Variants in RIMS2 observed in about 807,000 individuals in gnomAD.
The protein encoded by RIMS2 is regulating synaptic membrane exocytosis protein 2.
Under a neutral mutation model 174.4 loss-of-function variants are expected in RIMS2, and 59 were observed. The observed-to-expected ratio is 0.34, with a 90% confidence interval of 0.27 to 0.42. The LOEUF is 0.42. Among genes scored for constraint, RIMS2 ranks in the 10% least tolerant of loss-of-function variants. The pLI is 1.00. For missense variants in RIMS2, 1,620 were observed against 1,666.3 expected (o/e 0.97, Z 0.48); for synonymous variants, 606 against 572.5 (o/e 1.06, Z -0.84).
At chr8:103,896,283 T>C (rs2099277275) in intron 4 of RIMS2, among the ~76,000 whole-genome samples, 1 of 151,620 alleles carries the variant, frequency 6.6e-6, no homozygotes, top group South Asian at 2.1e-4. Flanking sequence ...GTTTATGTCT[T>C]CTGGTAGCAA....
At chr8:103,836,386 A>C (rs928954109) in intron 3 of RIMS2, among the ~76,000 whole-genome samples, 1 of 152,062 alleles carries the variant, frequency 6.6e-6, no homozygotes, top group Admixed American at 6.6e-5. Context: ...CCCCTTCTTT[A>C]CAAAAACAAG....
At chr8:104,060,548 G>T (rs1423690522) in intron 19 of RIMS2, among the ~76,000 whole-genome samples, 1 of 150,272 alleles carries the variant, frequency 6.7e-6, no homozygotes, top group South Asian at 2.1e-4. Flanking sequence ...TTTTTGAAGG[G>T]TTTTTTGTGT....
chr8:103,661,759 T>C (rs1283609152), intron 1 of RIMS2, among the ~76,000 whole-genome samples: 1 of 152,154 alleles, frequency 6.6e-6, no homozygotes, highest in Non-Finnish European at 1.5e-5. Context: ...GCCCGCTTGG[T>C]CTCCCAACGT....
At chr8:103,996,311 T>C (rs2095094453) in intron 17 of RIMS2, among the ~76,000 whole-genome samples, 1 of 151,570 alleles carries the variant, frequency 6.6e-6, no homozygotes, top group Admixed American at 6.6e-5. Flanking sequence ...AAAAATAGAG[T>C]TTGAAAACCA....
chr8:103,844,748 C>CAG (rs147077604), intron 3 of RIMS2, among the ~76,000 whole-genome samples: 23,872 of 152,010 alleles, frequency 0.16, 1,977 homozygotes, highest in Middle Eastern at 0.24. Context: ...TAAGAAGAGA[C>CAG]AGAGAGAATG....
chr8:103,686,374 T>C (rs564019538), intron 1 of RIMS2, among the ~76,000 whole-genome samples: 57 of 152,290 alleles, frequency 3.7e-4, no homozygotes, highest in African/African-American at 1.3e-3. Flanking sequence ...TGATGTTGAT[T>C]AGAAGTAGTG....
intron 19 of RIMS2, among the ~76,000 whole-genome samples, chr8:104,238,074 A>G (rs567273629): frequency 6.1e-4 from 93 of 152,320 alleles, no homozygotes; most frequent in Middle Eastern, 3.4e-3. Context: ...GATAGACTGG[A>G]TAAAGAAAAT....
At chr8:103,695,516 T>C (rs1362854164) in intron 1 of RIMS2, among the ~76,000 whole-genome samples, 2 of 151,990 alleles carry the variant, frequency 1.3e-5, no homozygotes, top group Non-Finnish European at 2.9e-5. Context: ...TTTTTCCATA[T>C]GATACTTCCA....
At chr8:103,652,974 C>G (rs2096479090) in intron 1 of RIMS2, among the ~76,000 whole-genome samples, 1 of 152,038 alleles carries the variant, frequency 6.6e-6, no homozygotes, top group Admixed American at 6.6e-5. Context: ...GTAAAACATC[C>G]TTTTCCAACA....
chr8:103,826,848 CTT>C (rs973653724), intron 3 of RIMS2, among the ~76,000 whole-genome samples: 3 of 143,764 alleles, frequency 2.1e-5, no homozygotes, highest in Admixed American at 7.0e-5. Flanking sequence ...AGAGACAAAA[CTT>C]TTTTTTTTTT....
At chr8:103,745,019 T>A (rs1159705293) in intron 2 of RIMS2, among the ~76,000 whole-genome samples, 1 of 152,194 alleles carries the variant, frequency 6.6e-6, no homozygotes, top group East Asian at 1.9e-4. Flanking sequence ...TTAAAACATT[T>A]TTTAGTTGAG....
At chr8:104,157,812 T>C (rs1431031362) in intron 19 of RIMS2, among the ~76,000 whole-genome samples, 1 of 152,342 alleles carries the variant, frequency 6.6e-6, no homozygotes, top group East Asian at 1.9e-4. Flanking sequence ...CAGGCCCTCC[T>C]TTCAATTATT....
intron 3 of RIMS2, among the ~76,000 whole-genome samples, chr8:103,864,835 CT>C (rs1389376522): frequency 2.0e-5 from 3 of 152,110 alleles, no homozygotes; most frequent in African/African-American, 7.2e-5. Context: ...GAGCTTGTGG[CT>C]TGTGCACCGA....
intron 1 of RIMS2, among the ~76,000 whole-genome samples, chr8:103,661,721 G>A (rs1013145006): frequency 6.6e-6 from 1 of 152,082 alleles, no homozygotes; most frequent in African/African-American, 2.4e-5. Context: ...TCCCAGGCTG[G>A]TTTCAAACTT....
At chr8:103,990,449 A>T (rs533835089) in intron 17 of RIMS2, among the ~76,000 whole-genome samples, 36 of 152,224 alleles carry the variant, frequency 2.4e-4, no homozygotes, top group African/African-American at 8.7e-4. Context: ...TACTGCTTTT[A>T]GTGATAAATG....
At chr8:103,842,718 C>T (rs892406673) in intron 3 of RIMS2, among the ~76,000 whole-genome samples, 2 of 152,104 alleles carry the variant, frequency 1.3e-5, no homozygotes, top group Admixed American at 1.3e-4. Context: ...TTTGTAATTT[C>T]ATTGGTTGTT....
chr8:104,162,559 C>G (rs192713680), intron 19 of RIMS2, among the ~76,000 whole-genome samples: 1 of 152,022 alleles, frequency 6.6e-6, no homozygotes, highest in East Asian at 1.9e-4. Flanking sequence ...TTATATGACC[C>G]CCATTATTGC....
At chr8:103,629,516 T>C (rs1439863325) in intron 1 of RIMS2, among the ~76,000 whole-genome samples, 1 of 152,120 alleles carries the variant, frequency 6.6e-6, no homozygotes, top group Non-Finnish European at 1.5e-5. Context: ...GAAATGTATA[T>C]GCAACCTAAC....
At chr8:103,803,311 G>A (rs2098628081) in intron 3 of RIMS2, among the ~76,000 whole-genome samples, 1 of 152,062 alleles carries the variant, frequency 6.6e-6, no homozygotes, top group African/African-American at 2.4e-5. Flanking sequence ...TTTAAAACTA[G>A]TGTTATGTGT....
Sources: allele counts gnomAD v4.1 joint callset (sites outside exome capture counted in the v4.1 genomes callset), GRCh38; gene constraint gnomAD v4.1.1; transcripts MANE v1.5; gene names NCBI Gene and HGNC (gene_info 2026-07-23, HGNC 2026-07-21).